CTNNA3: variants seen among roughly 807,000 people sequenced by gnomAD.
The protein encoded by CTNNA3 is catenin alpha-3.
Under a neutral mutation model 95.7 loss-of-function variants are expected in CTNNA3, and 76 were observed. The ratio of observed to expected loss-of-function variants is 0.79; its 90% CI spans 0.66 to 0.96. The LOEUF (loss-of-function observed/expected upper bound fraction) is 0.96. CTNNA3 is among the 40% of genes least tolerant of loss of function. The pLI, the probability that CTNNA3 is intolerant of heterozygous loss-of-function variation, is 0.00. For synonymous variants in CTNNA3, 431 were observed against 374.4 expected, an observed-to-expected ratio of 1.15 and a Z score of -1.74; for missense variants, 1,191 against 1,089.8, an observed-to-expected ratio of 1.09 and a Z score of -1.31.
intron 3 of CTNNA3, among the ~76,000 whole-genome samples, chr10:67,544,787 T>C (rs1564728815): frequency 6.6e-6 from 1 of 152,098 alleles, no homozygotes; most frequent in Admixed American, 6.5e-5. Context: ...CTTGCCTCAA[T>C]AGTGGGGAAG....
At chr10:66,681,413 G>T (rs1322183577) in intron 9 of CTNNA3, among the ~76,000 whole-genome samples, 1 of 152,100 alleles carries the variant, frequency 6.6e-6, no homozygotes, top group African/African-American at 2.4e-5. Flanking sequence ...ATTCAAAATA[G>T]GAGGGTATAT....
intron 7 of CTNNA3, among the ~76,000 whole-genome samples, chr10:66,792,603 T>G (rs1458207224): frequency 2.0e-5 from 3 of 152,156 alleles, no homozygotes; most frequent in Non-Finnish European, 4.4e-5. Flanking sequence ...CTTTTGCTTT[T>G]GGCTTTGAGT....
intron 13 of CTNNA3, among the ~76,000 whole-genome samples, chr10:66,105,874 G>A (rs576100310): frequency 1.3e-5 from 2 of 152,286 alleles, no homozygotes; most frequent in East Asian, 3.9e-4. Context: ...AACTAAGAAA[G>A]AGAAAGGAGT....
chr10:66,387,047 A>T (rs1248704224), intron 11 of CTNNA3, among the ~76,000 whole-genome samples: 1 of 152,196 alleles, frequency 6.6e-6, no homozygotes, highest in Non-Finnish European at 1.5e-5. Context: ...CAAGGACTTC[A>T]TGACTAAAAC....
chr10:66,912,457 A>G (rs1237059918), intron 7 of CTNNA3, among the ~76,000 whole-genome samples: 1 of 152,198 alleles, frequency 6.6e-6, no homozygotes, highest in Non-Finnish European at 1.5e-5. Flanking sequence ...TTAAAAATTA[A>G]AAGTTCTTTT....
intron 13 of CTNNA3, among the ~76,000 whole-genome samples, chr10:66,188,597 G>GTGTGTA (rs1410161257): frequency 1.0e-5 from 1 of 95,282 alleles, no homozygotes; most frequent in African/African-American, 8.0e-5. Flanking sequence ...GGGGGTCTCT[G>GTGTGTA]TGTGTGTGTG....
intron 13 of CTNNA3, among the ~76,000 whole-genome samples, chr10:66,195,611 G>A (rs2086912387): frequency 6.6e-6 from 1 of 152,154 alleles, no homozygotes; most frequent in Admixed American, 6.5e-5. Context: ...GTTTCCACAT[G>A]AGAGAGCAAA....
intron 13 of CTNNA3, among the ~76,000 whole-genome samples, chr10:66,142,031 G>T (rs1451025801): frequency 3.9e-5 from 6 of 152,134 alleles, no homozygotes; most frequent in African/African-American, 1.4e-4. Context: ...GCTTATCAAT[G>T]CTTTCTTTCA....
intron 7 of CTNNA3, 99 bp from the exon 8 acceptor site, chr10:66,775,623 C>A: frequency 1.2e-6 from 1 of 801,554 alleles, no homozygotes; most frequent in South Asian, 1.7e-5. Context: ...GCTTGAAATT[C>A]AAGAATAGGT....
At position 67,179,952 on chromosome 10, in the gene CTNNA3, T is replaced by A. The variant is rs556849180; in HGVS notation, c.1047+365A>T. On this transcript the variant is annotated intron_variant, in intron 7 of 17. Transcript: ENST00000433211. ...GATACTAACTTCTAATGGCCTTTCA[T>A]TATTCACTAACTTGATCCTGAGCAA... 1.8e-4 allele frequency among the ~76,000 whole-genome samples: 28 copies of A among 152,312 alleles called. 1 individual carries two copies. The South Asian group carries it at 5.8e-3, about 32-fold the overall frequency.
intron 13 of CTNNA3, among the ~76,000 whole-genome samples, chr10:66,125,212 T>C (rs2082765041): frequency 4.6e-5 from 7 of 152,302 alleles, no homozygotes; most frequent in African/African-American, 1.7e-4. Context: ...AAATCTTTTT[T>C]TCTTATTTTT....
intron 6 of CTNNA3, among the ~76,000 whole-genome samples, chr10:67,197,276 CAAA>C (rs1028153161): frequency 1.3e-5 from 2 of 151,806 alleles, no homozygotes; most frequent in African/African-American, 4.8e-5. Flanking sequence ...AATTCATCGA[CAAA>C]GAAGAAAAGA....
At chr10:65,923,887 A>T (rs1414532756) in intron 17 of CTNNA3, among the ~76,000 whole-genome samples, 2 of 152,176 alleles carry the variant, frequency 1.3e-5, no homozygotes, top group Non-Finnish European at 2.9e-5. Context: ...CCTGTCAAAA[A>T]GCATCTATAA....
intron 11 of CTNNA3, among the ~76,000 whole-genome samples, chr10:66,474,780 C>T (rs1839263952): frequency 6.6e-6 from 1 of 151,920 alleles, no homozygotes; most frequent in South Asian, 2.1e-4. Flanking sequence ...GACTGAATTT[C>T]CCTGATGATT....
At chr10:66,199,587 T>C (rs1363612650) in intron 13 of CTNNA3, among the ~76,000 whole-genome samples, 1 of 149,936 alleles carries the variant, frequency 6.7e-6, no homozygotes, top group African/African-American at 2.4e-5. Flanking sequence ...GACCAAATAG[T>C]TTGTTTGTTT....
chr10:66,611,449 T>C (rs574455688), intron 10 of CTNNA3, among the ~76,000 whole-genome samples: 1 of 151,916 alleles, frequency 6.6e-6, no homozygotes, highest in Admixed American at 6.6e-5. Flanking sequence ...AAGAAAAAAA[T>C]AACTGATAGT....
intron 11 of CTNNA3, among the ~76,000 whole-genome samples, chr10:66,469,120 G>A (rs1839036282): frequency 6.6e-6 from 1 of 151,898 alleles, no homozygotes; most frequent in Non-Finnish European, 1.5e-5. Flanking sequence ...TATTGTACTT[G>A]ACACAGGGAG....
At chr10:66,621,918 G>T (rs1844765006) in intron 9 of CTNNA3, 134 bp from the exon 10 acceptor site, 2 of 518,280 alleles carry the variant, frequency 3.9e-6, no homozygotes, top group African/African-American at 2.0e-5. Flanking sequence ...ATCATCACTG[G>T]TATCTATTTT....
intron 7 of CTNNA3, among the ~76,000 whole-genome samples, chr10:66,946,156 T>C (rs750086324): frequency 5.3e-5 from 8 of 152,078 alleles, no homozygotes; most frequent in Non-Finnish European, 1.0e-4. Flanking sequence ...ATCTGCAAAG[T>C]GCAATAAAAT....
Sources: allele counts gnomAD v4.1 joint callset (sites outside exome capture counted in the v4.1 genomes callset), GRCh38; gene constraint gnomAD v4.1.1; transcripts MANE v1.5; gene names NCBI Gene and HGNC (gene_info 2026-07-23, HGNC 2026-07-21).